The following SLIT2 variants were observed in gnomAD, a reference collection of about 807,000 sequenced individuals.
SLIT2 encodes the protein slit guidance ligand 2, also known as slit homolog 2 protein.
A neutral mutation model predicts 185.7 loss-of-function variants in SLIT2; 41 were observed. The ratio of observed to expected loss-of-function variants is 0.22; its 90% CI spans 0.17 to 0.29. The LOEUF is 0.29. Ranked by LOEUF, SLIT2 falls within the 10% of genes least tolerant of loss-of-function variation. The pLI, the probability that SLIT2 is intolerant of heterozygous loss-of-function variation, is 1.00. For missense variants in SLIT2, 1,571 were observed against 1,909.0 expected (o/e 0.82, Z 3.30); for synonymous variants, 693 against 680.2 (o/e 1.02, Z -0.29).
At chr4:20,387,592 A>G (rs563342250) in intron 4 of SLIT2, among the ~76,000 whole-genome samples, 1 of 152,240 alleles carries the variant, frequency 6.6e-6, no homozygotes, top group African/African-American at 2.4e-5. Context: ...TGCCATGGGA[A>G]AATACTAGGT....
chr4:20,359,666 G>A (rs1722587038), intron 4 of SLIT2, among the ~76,000 whole-genome samples: 1 of 151,984 alleles, frequency 6.6e-6, no homozygotes, highest in African/African-American at 2.4e-5. Flanking sequence ...TGTTGAATCA[G>A]TACATTTTGT....
intron 34 of SLIT2, chr4:20,616,360 AGAG>A (rs1233591192): frequency 2.6e-5 from 4 of 152,266 alleles, no homozygotes; most frequent in Non-Finnish European, 5.9e-5. Context: ...CTCCAGAGAT[AGAG>A]GAGTTCTTCT....
At chr4:20,545,529 A>T (rs1243143214) in intron 21 of SLIT2, among the ~76,000 whole-genome samples, 1 of 151,796 alleles carries the variant, frequency 6.6e-6, no homozygotes, top group African/African-American at 2.4e-5. Flanking sequence ...TGTTATCATC[A>T]CCAAGAAGAT....
chr4:20,417,577 A>C (rs903466325), intron 4 of SLIT2, among the ~76,000 whole-genome samples: 1 of 151,318 alleles, frequency 6.6e-6, no homozygotes, highest in African/African-American at 2.4e-5. Flanking sequence ...GCTGGAGTGC[A>C]GTGGTGCGAT....
intron 4 of SLIT2, among the ~76,000 whole-genome samples, chr4:20,306,384 A>G (rs577438100): frequency 7.2e-5 from 11 of 152,304 alleles, no homozygotes; most frequent in African/African-American, 2.6e-4. Context: ...CATTTAGAAA[A>G]GTAGCTTATG....
intron 32 of SLIT2, among the ~76,000 whole-genome samples, chr4:20,597,136 G>T (rs1728051737): frequency 6.6e-6 from 1 of 150,404 alleles, no homozygotes; most frequent in Non-Finnish European, 1.5e-5. Context: ...CGTGATCTCA[G>T]CTCACTACAA....
chr4:20,507,693 T>C (rs1261882252), intron 9 of SLIT2, among the ~76,000 whole-genome samples: 1 of 151,718 alleles, frequency 6.6e-6, no homozygotes, highest in African/African-American at 2.4e-5. Flanking sequence ...TTGGTTTCTT[T>C]AGATTATTTT....
At chr4:20,593,165 TAGAG>T (rs1237500832) in intron 30 of SLIT2, among the ~76,000 whole-genome samples, 3 of 152,156 alleles carry the variant, frequency 2.0e-5, no homozygotes, top group East Asian at 1.9e-4. Flanking sequence ...AAAGACTATA[TAGAG>T]AATTATTTTA....
At chr4:20,303,792 A>G (rs920946433) in intron 4 of SLIT2, among the ~76,000 whole-genome samples, 1 of 152,194 alleles carries the variant, frequency 6.6e-6, no homozygotes, top group South Asian at 2.1e-4. Context: ...AATTATATGC[A>G]CTGGGAGCTT....
chr4:20,254,955 C>G lies in SLIT2; in HGVS notation c.179+961C>G, dbSNP rs979478738. On this transcript the variant is annotated intron_variant, in intron 1 of 36. Transcript: ENST00000504154. The surrounding 1 kb of genome is among the most constrained non-coding windows in gnomAD (Gnocchi z 5.1). Reference sequence around the variant, plus strand: ...TCTAATGAAGAAGTAAATGCAGACCCGGTGTTGACGGCCCACGCGCTCCTG... The same window carrying G: ...TCTAATGAAGAAGTAAATGCAGACCGGGTGTTGACGGCCCACGCGCTCCTG... 3 of 456,184 alleles carry G rather than the reference C, an allele frequency of 6.6e-6. No homozygotes were observed. The highest frequency in any genetic ancestry group is 1.5e-5 in the South Asian group (1 of 64,580). 28.3% of individuals were successfully genotyped at this position (456,184 alleles called of 1,614,324 possible).
Position 20,610,163 on chromosome 4 carries a change from A to G in SLIT2, c.3843A>G (p.Val1281=). The G allele has an allele frequency of 6.2e-7, 1 of 1,611,172 alleles. No individual in the cohort carries two copies. Among genetic ancestry groups the G allele is most frequent in the African/African-American group, 1.3e-5 (1 of 74,898 alleles). The part of the protein sequence containing the change: ...STLNFDSPLY[V]GGMPGKSNVA... ...TGAATTTTGACTCTCCACTCTATGT[A>G]GGAGGTAAGCTGTCTTCCAAATTCA... The change falls in exon 34 of 37, where the codon GTA becomes GTG. Residue 1281 remains valine (V), a synonymous_variant. Transcript: ENST00000504154.
intron 29 of SLIT2, among the ~76,000 whole-genome samples, chr4:20,569,817 T>A (rs1362081554): frequency 7.9e-5 from 12 of 152,116 alleles, no homozygotes; most frequent in Admixed American, 7.9e-4. Flanking sequence ...GCCGTTTTCA[T>A]TTTCTGGGTG....
At chr4:20,295,972 A>G (rs1238412616) in intron 4 of SLIT2, among the ~76,000 whole-genome samples, 2 of 152,258 alleles carry the variant, frequency 1.3e-5, no homozygotes, top group African/African-American at 2.4e-5. Context: ...TATGATGGCC[A>G]GTGCCATATA....
chr4:20,460,840 C>T (rs955463319), intron 4 of SLIT2, among the ~76,000 whole-genome samples: 2 of 152,114 alleles, frequency 1.3e-5, no homozygotes, highest in African/African-American at 2.4e-5. Context: ...ACTTAAATTA[C>T]AGAATTTTAC....
At chr4:20,470,742 A>G (rs994969333) in intron 5 of SLIT2, among the ~76,000 whole-genome samples, 5 of 151,806 alleles carry the variant, frequency 3.3e-5, no homozygotes, top group African/African-American at 9.7e-5. Flanking sequence ...TACCTGGCTA[A>G]TTTTTGTATT....
intron 9 of SLIT2, among the ~76,000 whole-genome samples, chr4:20,501,077 G>A (rs963577759): frequency 3.9e-5 from 6 of 152,038 alleles, no homozygotes; most frequent in Non-Finnish European, 5.9e-5. Flanking sequence ...GTCATTGTAT[G>A]TGAATTTTTT....
rs111890803 is a variant in SLIT2 at position 20,595,739 on chromosome 4, C to T, written c.3225C>T (p.Ile1075=). 6.8e-5 allele frequency: 109 copies of T among 1,614,054 alleles called. No individual in the cohort carries two copies. The African/African-American group carries it at 1.1e-3, about 17-fold the overall frequency. Residue 1075 remains isoleucine (I), a synonymous_variant, in exon 31 of 37, where the codon ATC becomes ATT. Transcript: ENST00000504154. The part of the protein sequence containing the change: ...TPGYVGEHCD[I]DFDDCQDNKC... The stretch of plus-strand genomic sequence containing the variant: ...GGTACGTAGGTGAACACTGCGACAT[C>T]GATTTTGACGACTGCCAAGACAACA...
intron 4 of SLIT2, among the ~76,000 whole-genome samples, chr4:20,386,538 A>G (rs1724949984): frequency 6.6e-6 from 1 of 152,164 alleles, no homozygotes; most frequent in Admixed American, 6.5e-5. Context: ...AATATGGATA[A>G]TGATGATTCT....
intron 26 of SLIT2, among the ~76,000 whole-genome samples, chr4:20,554,943 T>G (rs1282484161): frequency 6.6e-6 from 1 of 152,096 alleles, no homozygotes; most frequent in African/African-American, 2.4e-5. Flanking sequence ...CTAATTTTTG[T>G]ATTTTTAGTA....
Sources: gnomAD v4.1 joint callset for allele counts (sites outside exome capture counted in the v4.1 genomes callset) on GRCh38, gnomAD v4.1.1 for gene constraint, Gnocchi (gnomAD v3.1) non-coding constraint, MANE v1.5 for transcripts, NCBI Gene and HGNC (gene_info 2026-07-23, HGNC 2026-07-21) for gene names.